Variants in SRFBP1 observed in about 807,000 individuals in gnomAD.
The protein encoded by SRFBP1 is serum response factor binding protein 1, also known as serum response factor-binding protein 1.
In SRFBP1, 47 loss-of-function variants were observed where a neutral mutation model predicts 45.5. The observed-to-expected ratio is 1.03, with a 90% CI of 0.82 to 1.32. The LOEUF is 1.32. Among genes scored for constraint, SRFBP1 ranks in the 40% most tolerant of loss-of-function variants. SRFBP1 has a pLI of 0.00. For synonymous variants in SRFBP1, 203 were observed against 166.3 expected (o/e 1.22, Z -1.70); for missense variants, 621 against 484.6 (o/e 1.28, Z -2.64).
At chr5:122,025,311 A>G (rs1335799975) in intron 7 of SRFBP1, among the ~76,000 whole-genome samples, 1 of 152,184 alleles carries the variant, frequency 6.6e-6, no homozygotes, top group East Asian at 1.9e-4. Context: ...TTATGGCTGC[A>G]TAGTATTCCA....
At chr5:122,047,739 G>C (rs1360525986) in intron 2 of SRFBP1, among the ~76,000 whole-genome samples, 3 of 152,222 alleles carry the variant, frequency 2.0e-5, no homozygotes, top group South Asian at 4.1e-4. Flanking sequence ...GTGGTTTGTA[G>C]TTCTCCTTGA....
chr5:122,043,019 G>A (rs536052628), intron 2 of SRFBP1, among the ~76,000 whole-genome samples: 6 of 151,914 alleles, frequency 3.9e-5, no homozygotes, highest in East Asian at 1.9e-4. Flanking sequence ...ATTTACCCAC[G>A]TTTACCAGTT....
chr5:122,002,694 G>A (rs925726176), intron 4 of SRFBP1, among the ~76,000 whole-genome samples: 2 of 152,046 alleles, frequency 1.3e-5, no homozygotes, highest in African/African-American at 4.8e-5. Context: ...TGAGAATATT[G>A]CGAATATTGA....
At chr5:121,994,982 T>C (rs551131100) in intron 4 of SRFBP1, among the ~76,000 whole-genome samples, 1 of 151,638 alleles carries the variant, frequency 6.6e-6, no homozygotes, top group East Asian at 1.9e-4. Flanking sequence ...GAGCTAACTA[T>C]CCTAAATATA....
chr5:121,983,166 GA>G (rs1262353745), intron 3 of SRFBP1, among the ~76,000 whole-genome samples: 10 of 151,456 alleles, frequency 6.6e-5, no homozygotes, highest in Admixed American at 2.6e-4. Flanking sequence ...TTTTCAACTG[GA>G]TATCACCTCA....
In SRFBP1 at chr5:122,070,643, T is replaced by C. The variant is rs1022824304; in HGVS notation, n.312-4672T>C. The C allele has an allele frequency of 6.5e-5, 58 of 887,948 alleles. 2 individuals are homozygous for C. The Admixed American group carries it at 1.2e-3, about 19-fold the overall frequency. The allele number at this position is 887,948 out of a possible 1,614,324, so 55.0% of individuals were successfully genotyped here. On this transcript the variant is annotated intron_variant and non_coding_transcript_variant, in intron 2 of 2. Transcript: ENST00000504881. ...ATTATGGTATGTGGTCAGACTATGA[T>C]AAATAATATGCTATTATTTGCAAAT...
chr5:122,038,930 A>G (rs1489637100), intron 2 of SRFBP1, among the ~76,000 whole-genome samples: 2 of 152,008 alleles, frequency 1.3e-5, no homozygotes, highest in East Asian at 1.9e-4. Flanking sequence ...AGGAGGGTAC[A>G]CTCTCCATCA....
Position 121,963,100 on chromosome 5 carries a change from A to C in SRFBP1, c.36+1032A>C, listed in dbSNP as rs113476723. The stretch of plus-strand genomic sequence containing the variant: ...AGGAATTGCAGTCAGTGATTCAGGA[A>C]AGGGGAAGAAGTCATTCCAGGCAGA... On this transcript the variant is annotated intron_variant, in intron 1 of 7. Transcript: ENST00000339397. Among the ~76,000 whole-genome samples the C allele has an allele frequency of 7.7e-3, 1,177 of 152,314 alleles. 23 individuals carry two copies. Among genetic ancestry groups the C allele is most frequent in the African/African-American group, 0.027 (1,130 of 41,570 alleles).
chr5:122,077,886 C>G (rs777431502), downstream of SRFBP1: 55 of 1,531,212 alleles, frequency 3.6e-5, no homozygotes, highest in Middle Eastern at 1.7e-4. This position sits in a 1 kb window ranked among gnomAD's most constrained non-coding sequence, Gnocchi z 4.9. Flanking sequence ...GCCGGCGGCT[C>G]GCGCGGGGGC....
intron 2 of SRFBP1, among the ~76,000 whole-genome samples, chr5:122,040,487 C>G (rs1029258071): frequency 6.6e-6 from 1 of 152,082 alleles, no homozygotes; most frequent in Non-Finnish European, 1.5e-5. Flanking sequence ...GTAAAGACAG[C>G]CAAAGCTTAG....
At chr5:122,018,208 G>A (rs993308941) in intron 4 of SRFBP1, among the ~76,000 whole-genome samples, 7 of 152,196 alleles carry the variant, frequency 4.6e-5, no homozygotes, top group Non-Finnish European at 7.3e-5. Context: ...TATGGAAATA[G>A]CATGATTTGA....
At chr5:122,053,150 G>A (rs1435645762) in intron 2 of SRFBP1, among the ~76,000 whole-genome samples, 1 of 152,074 alleles carries the variant, frequency 6.6e-6, no homozygotes, top group African/African-American at 2.4e-5. Context: ...TGTTGTTCCT[G>A]TGCTTCCTGG....
intron 3 of SRFBP1, among the ~76,000 whole-genome samples, chr5:121,978,070 A>G (rs1211351727): frequency 2.0e-5 from 3 of 152,320 alleles, no homozygotes; most frequent in Admixed American, 2.0e-4. Context: ...GTAAAATTCA[A>G]GCATATACTG....
chr5:122,008,184 G>A (rs999878144), intron 4 of SRFBP1, among the ~76,000 whole-genome samples: 15 of 152,046 alleles, frequency 9.9e-5, no homozygotes, highest in African/African-American at 3.6e-4. Flanking sequence ...GGGCTGGCCC[G>A]AAGCCTGGGG....
At chr5:121,975,204 A>G (rs879101803) in intron 2 of SRFBP1, 111 bp from the exon 3 acceptor site, 76 of 1,099,310 alleles carry the variant, frequency 6.9e-5, no homozygotes, top group Admixed American at 2.0e-5. Context: ...CGTGTTTGTT[A>G]TTTAGAGATT....
downstream of SRFBP1, among the ~76,000 whole-genome samples, chr5:122,030,233 T>G (rs894880320): frequency 2.6e-5 from 4 of 152,210 alleles, no homozygotes; most frequent in Non-Finnish European, 5.9e-5. Flanking sequence ...AACCAAAGGC[T>G]TGCAGCAATC....
At chr5:122,032,152 G>A (rs546804089), downstream of SRFBP1, among the ~76,000 whole-genome samples, 1 of 152,248 alleles carries the variant, frequency 6.6e-6, no homozygotes, top group South Asian at 2.1e-4. Flanking sequence ...TATATATAAA[G>A]TTCCCTGGGT....
chr5:122,038,831 G>A (rs1386731700), intron 2 of SRFBP1, among the ~76,000 whole-genome samples: 1 of 152,108 alleles, frequency 6.6e-6, no homozygotes, highest in Admixed American at 6.5e-5. Flanking sequence ...GACTCCATCA[G>A]CCTTTGAATG....
At chr5:122,051,914 C>CT (rs948516395) in intron 2 of SRFBP1, among the ~76,000 whole-genome samples, 1 of 152,108 alleles carries the variant, frequency 6.6e-6, no homozygotes, top group African/African-American at 2.4e-5. Context: ...TCGAGCACTC[C>CT]TTTTATAAGC....
Sources: gnomAD v4.1 joint callset for allele counts (sites outside exome capture counted in the v4.1 genomes callset) on GRCh38, gnomAD v4.1.1 for gene constraint, Gnocchi (gnomAD v3.1) non-coding constraint, MANE v1.5 for transcripts, NCBI Gene and HGNC (gene_info 2026-07-23, HGNC 2026-07-21) for gene names.